The following ODAD2 variants were observed in gnomAD, a reference collection of about 807,000 sequenced individuals.
ODAD2 encodes the protein outer dynein arm docking complex subunit 2.
Under a neutral mutation model 106.8 loss-of-function variants are expected in ODAD2, and 89 were observed. That is an observed-to-expected ratio of 0.83 (90% CI 0.70 to 0.99). ODAD2 has a LOEUF of 0.99. Ranked by LOEUF, ODAD2 falls within the 50% of genes least tolerant of loss-of-function variation. ODAD2 has a pLI of 0.00. For synonymous variants in ODAD2, 404 were observed against 436.2 expected, an observed-to-expected ratio of 0.93 and a Z score of 0.92; for missense variants, 1,168 against 1,238.5, an observed-to-expected ratio of 0.94 and a Z score of 0.85.
chr10:27,863,405 T>C (rs754950817), intron 17 of ODAD2, among the ~76,000 whole-genome samples: 9 of 152,214 alleles, frequency 5.9e-5, no homozygotes, highest in Non-Finnish European at 1.0e-4. Context: ...AATCGCCTTC[T>C]TCAGCCTCAG....
At chr10:27,960,313 CATTATT>C (rs72020123) in intron 10 of ODAD2, among the ~76,000 whole-genome samples, 82,519 of 138,344 alleles carry the variant, frequency 0.6, 25,436 homozygotes, top group Middle Eastern at 0.71. Flanking sequence ...TTATTTATTT[CATTATT>C]ATTATTATTA....
chr10:27,903,878 G>A (rs1284269004), intron 17 of ODAD2, among the ~76,000 whole-genome samples: 1 of 152,020 alleles, frequency 6.6e-6, no homozygotes, highest in African/African-American at 2.4e-5. Context: ...CCAAGACAAG[G>A]GTGTCCACCA....
chr10:27,954,415 A>C (rs1335335753), intron 10 of ODAD2, among the ~76,000 whole-genome samples: 1 of 152,248 alleles, frequency 6.6e-6, no homozygotes, highest in Non-Finnish European at 1.5e-5. Flanking sequence ...CAAAAATCTG[A>C]TAAATAACTA....
Position 27,971,327 on chromosome 10 carries a change from A to G in ODAD2, c.937-14T>C. The G allele has an allele frequency of 6.4e-7, 1 of 1,571,100 alleles. No individual in the cohort carries two copies. The highest frequency in any genetic ancestry group is 8.6e-7 in the Non-Finnish European group (1 of 1,162,258). Reference sequence around the variant, plus strand: ...GAAGCTAATTCCCTTTATTTAAAAAATGAGAATAATTTTTAATGATATCTG... The same window carrying G: ...GAAGCTAATTCCCTTTATTTAAAAAGTGAGAATAATTTTTAATGATATCTG... On this transcript the variant is annotated splice_polypyrimidine_tract_variant and intron_variant, in intron 7 of 19. Coordinates refer to ENST00000305242, the MANE Select transcript of ODAD2 (RefSeq NM_018076.5).
chr10:27,947,554 A>G (rs1267259322), intron 10 of ODAD2, among the ~76,000 whole-genome samples: 1 of 152,204 alleles, frequency 6.6e-6, no homozygotes, highest in African/African-American at 2.4e-5. Context: ...AACAAAGAAA[A>G]TAAGAAAAAC....
intron 17 of ODAD2, among the ~76,000 whole-genome samples, chr10:27,897,992 T>C (rs1248501390): frequency 1.3e-5 from 2 of 151,964 alleles, no homozygotes; most frequent in African/African-American, 2.4e-5. Context: ...ATAATGAATA[T>C]GAAAATACTG....
intron 12 of ODAD2, among the ~76,000 whole-genome samples, chr10:27,941,199 C>A (rs1268914631): frequency 6.6e-6 from 1 of 152,094 alleles, no homozygotes; most frequent in East Asian, 1.9e-4. Flanking sequence ...AGCCACAAGA[C>A]CTGTCCAGGA....
chr10:27,924,030 G>GAAAGAGAGAA lies in ODAD2; in HGVS notation c.2495+10979_2495+10980insTTCTCTCTTT, dbSNP rs1554810903. Among the ~76,000 whole-genome samples, 13 of 103,892 alleles carry GAAAGAGAGAA rather than the reference G, an allele frequency of 1.3e-4. 1 individual carries two copies. The highest frequency in any genetic ancestry group is 1.1e-3 in the South Asian group (3 of 2,748). 68.2% of individuals were successfully genotyped at this position (103,892 alleles called of 152,430 possible). A position where few individuals can be genotyped will look rare whatever the true frequency, so the allele number is the denominator to read the frequency against. On this transcript the variant is annotated intron_variant, in intron 16 of 19. Coordinates refer to ENST00000305242, the MANE Select transcript of ODAD2 (RefSeq NM_018076.5). ...AGAAAGAAAGAAAGAAAGAAGGAAA[G>GAAAGAGAGAA]AGAAAGAAAGAAGGAAAGAGAAAGA... is the stretch of plus-strand genomic sequence containing the variant.
chr10:27,882,763 G>A (rs955153566), intron 17 of ODAD2, among the ~76,000 whole-genome samples: 5 of 152,200 alleles, frequency 3.3e-5, no homozygotes, highest in Middle Eastern at 3.4e-3. Flanking sequence ...GGACAGAATA[G>A]GTTTGGAGCC....
At chr10:27,876,200 G>T (rs1293042192) in intron 17 of ODAD2, among the ~76,000 whole-genome samples, 1 of 152,134 alleles carries the variant, frequency 6.6e-6, no homozygotes, top group African/African-American at 2.4e-5. Flanking sequence ...GAGAGTAGTG[G>T]TTCTCCCAGC....
At chr10:27,948,854 C>A (rs903363562) in intron 10 of ODAD2, among the ~76,000 whole-genome samples, 8 of 98,168 alleles carry the variant, frequency 8.1e-5, no homozygotes, top group African/African-American at 3.2e-4. Context: ...GACATTCCTT[C>A]TGATGACCAG....
chr10:27,881,662 G>A (rs147390148), intron 17 of ODAD2, among the ~76,000 whole-genome samples: 61 of 151,464 alleles, frequency 4.0e-4, no homozygotes, highest in African/African-American at 1.2e-3. Context: ...AGAATGAGCC[G>A]GCAAAAATAC....
chr10:27,970,372 T>C lies in ODAD2; in HGVS notation c.1142+736A>G, dbSNP rs147609314. On this transcript the variant is annotated intron_variant, in intron 8 of 19. Transcript: ENST00000305242. ...ATTATCTCTATGACAGTTTCGCTGATTAGCTCCATATAATTTTCATCATTC... is the reference window on the plus strand; with the variant it reads ...ATTATCTCTATGACAGTTTCGCTGACTAGCTCCATATAATTTTCATCATTC... Among the ~76,000 whole-genome samples the C allele has an allele frequency of 5.8e-4, 89 of 152,284 alleles. No homozygotes were observed. In the East Asian group the frequency reaches 0.016, roughly 28 times the overall value.
Position 27,939,878 on chromosome 10 carries a change from C to T in ODAD2, c.2097+19G>A. ...ATGTGAGAAAGAACGCCAACAACCG[C>T]TGGGAGAGTTCACTGCACCTGGTAA... is the stretch of plus-strand genomic sequence containing the variant. On this transcript the variant is annotated intron_variant, in intron 14 of 19. Transcript: ENST00000305242. 1 of 1,517,052 alleles carries T rather than the reference C, an allele frequency of 6.6e-7. No individual in the cohort carries two copies. 94.0% of individuals were successfully genotyped at this position (1,517,052 alleles called of 1,614,324 possible).
chr10:27,812,553 G>C lies in ODAD2; in HGVS notation c.3094C>G (p.Arg1032Gly). Residue 1032 changes from arginine (R) to glycine (G), a missense_variant, in exon 20 of 20, where the codon CGC (arginine) becomes GGC (glycine). Arg to Gly is a moderately radical substitution (Grantham distance 125, BLOSUM62 -2). Transcript: ENST00000305242. ...TTCTCTGTAGCAAGAGCCAGCCTGCGGATATTGGATATACAACCAGCTGCA... is the reference window on the plus strand; with the variant it reads ...TTCTCTGTAGCAAGAGCCAGCCTGCCGATATTGGATATACAACCAGCTGCA... ...EAAAGCISNIRRLALATEKAR... is the reference protein window; with the variant it reads ...EAAAGCISNIGRLALATEKAR... 6.2e-7 allele frequency: 1 copy of C among 1,613,262 alleles called. No homozygotes were observed. Among genetic ancestry groups the C allele is most frequent in the South Asian group, 1.1e-5 (1 of 90,824 alleles).
intron 6 of ODAD2, among the ~76,000 whole-genome samples, chr10:27,982,432 C>A (rs961779212): frequency 4.6e-5 from 7 of 152,052 alleles, no homozygotes; most frequent in African/African-American, 1.7e-4. Flanking sequence ...GACTCCCTGC[C>A]CCCCTCCAGA....
chr10:27,901,673 T>A (rs1356343204), intron 17 of ODAD2, among the ~76,000 whole-genome samples: 1 of 152,044 alleles, frequency 6.6e-6, no homozygotes, highest in African/African-American at 2.4e-5. Flanking sequence ...TAGTCTCTGA[T>A]AAAACAGACT....
intron 16 of ODAD2, among the ~76,000 whole-genome samples, chr10:27,934,064 T>C (rs1329636794): frequency 6.6e-6 from 1 of 152,112 alleles, no homozygotes; most frequent in African/African-American, 2.4e-5. Flanking sequence ...TCTCATGAGA[T>C]CTGATAGTTT....
chr10:27,900,676 C>T (rs10826362), intron 17 of ODAD2, among the ~76,000 whole-genome samples: 100,745 of 151,892 alleles, frequency 0.66, 33,743 homozygotes, highest in Middle Eastern at 0.74. Flanking sequence ...TACACAAGTA[C>T]CAATAGCTGA....
Sources: allele counts gnomAD v4.1 joint callset (sites outside exome capture counted in the v4.1 genomes callset), GRCh38; gene constraint gnomAD v4.1.1; transcripts MANE v1.5; gene names NCBI Gene and HGNC (gene_info 2026-07-23, HGNC 2026-07-21).